Variants in PTCD1 observed in about 807,000 individuals in gnomAD.
The protein encoded by PTCD1 is pentatricopeptide repeat domain 1, also known as pentatricopeptide repeat-containing protein 1, mitochondrial.
In PTCD1, 50 loss-of-function variants were observed where a neutral mutation model predicts 53.4. The observed-to-expected ratio is 0.94, with a 90% CI of 0.75 to 1.19. The LOEUF is 1.19. Ranked by LOEUF, PTCD1 falls within the 50% of genes most tolerant of loss-of-function variation. The pLI is 0.00. For synonymous variants in PTCD1, 413 were observed against 394.8 expected, an observed-to-expected ratio of 1.05 and a Z score of -0.55; for missense variants, 918 against 904.8, an observed-to-expected ratio of 1.01 and a Z score of -0.19.
chr7:99,425,452 C>T lies in PTCD1; in HGVS notation c.1080G>A (p.Arg360=), dbSNP rs534195381. 2.5e-6 allele frequency: 4 copies of T among 1,613,860 alleles called. No individual in the cohort carries two copies. Among genetic ancestry groups the T allele is most frequent in the African/African-American group, 2.7e-5 (2 of 75,068 alleles). ...CCTGGGCTGTCCTCCTTGGCCGCTG[C>T]CTGCTCACTGGGGGCTGAAGCACAG... ...EATVLQPPVS[R]QRPRRTAQAK... The change falls in exon 6 of 8, where the codon AGG becomes AGA. Residue 360 remains arginine, a synonymous_variant. Coordinates refer to ENST00000292478, the MANE Select transcript of PTCD1 (RefSeq NM_015545.4).
intron 7 of PTCD1, among the ~76,000 whole-genome samples, chr7:99,421,845 G>C (rs1049279281): frequency 3.9e-5 from 6 of 152,182 alleles, no homozygotes; most frequent in African/African-American, 1.4e-4. Context: ...ACATTCAGTA[G>C]AAACTAACCC....
Position 99,417,408 on chromosome 7 carries a change from C to G in PTCD1, c.*2559G>C. The stretch of plus-strand genomic sequence containing the variant: ...GGTTTTTAGACCATGGCCTGATGCT[C>G]TTTCCCCATCTTTTTGACAGAACTC... On this transcript the variant is annotated 3_prime_UTR_variant, in exon 8 of 8. Coordinates refer to ENST00000292478, the MANE Select transcript of PTCD1 (RefSeq NM_015545.4). 1.9e-6 allele frequency: 3 copies of G among 1,612,550 alleles called. No individual in the cohort carries two copies. Among genetic ancestry groups the G allele is most frequent in the African/African-American group, 1.3e-5 (1 of 74,986 alleles).
At chr7:99,427,262 A>AG (rs533389474) in intron 5 of PTCD1, among the ~76,000 whole-genome samples, 8 of 138,292 alleles carry the variant, frequency 5.8e-5, no homozygotes, top group African/African-American at 2.2e-4. Context: ...CTGGGAAGTG[A>AG]GGAGCCCCTC....
At position 99,416,783 on chromosome 7, in the gene PTCD1, CAAT is replaced by C. The variant is rs1396173401; in HGVS notation, c.*3181_*3183del. ...TTCCACAGGCTGGAGTGCAGTGGTG[CAAT>C]GATGGCTCACTGCAGCCTCAACCTT... On this transcript the variant is annotated 3_prime_UTR_variant, in exon 8 of 8. Transcript: ENST00000292478. The C allele has an allele frequency of 6.9e-6, 1 of 145,816 alleles. No individual in the cohort carries two copies. The highest frequency in any genetic ancestry group is 2.8e-5 in the African/African-American group (1 of 35,236). The allele number at this position is 145,816 out of a possible 1,614,324, so 9.0% of individuals were successfully genotyped here.
At chr7:99,437,094 G>A (rs1796502016) in intron 1 of PTCD1, among the ~76,000 whole-genome samples, 1 of 152,168 alleles carries the variant, frequency 6.6e-6, no homozygotes, top group African/African-American at 2.4e-5. Context: ...TAGAACTCCT[G>A]GCCTCAAGCA....
Position 99,433,406 on chromosome 7 carries a change from G to T in PTCD1, c.466C>A (p.Leu156Met). The T allele has an allele frequency of 6.2e-7, 1 of 1,614,142 alleles. No homozygotes were observed. Among genetic ancestry groups the T allele is most frequent in the Admixed American group, 1.7e-5 (1 of 60,014 alleles). The part of the protein sequence containing the change: ...LIKEGKLVEA[L>M]DLFERQMLKE... ...AGCATCTGCCTCTCAAACAGGTCCA[G>T]GGCTTCAACCAGCTGCAGGGAAGAG... The change falls in exon 3 of 8, where the codon CTG becomes ATG. Residue 156 changes from leucine to methionine, a missense_variant. Transcript: ENST00000292478.
intron 5 of PTCD1, among the ~76,000 whole-genome samples, chr7:99,426,947 C>T (rs2150952333): frequency 6.6e-6 from 1 of 151,682 alleles, no homozygotes; most frequent in East Asian, 2.0e-4. Context: ...TGGCAACCGC[C>T]CCATCTGAGA....
intron 5 of PTCD1, among the ~76,000 whole-genome samples, 171 bp from the exon 6 acceptor site, chr7:99,425,787 C>A (rs1036350757): frequency 5.3e-5 from 8 of 152,210 alleles, no homozygotes; most frequent in Admixed American, 2.0e-4. Context: ...AAAAAATACG[C>A]CAGGCGCGGT....
At position 99,417,324 on chromosome 7, in the gene PTCD1, A is replaced by T. The variant is rs1432574965; in HGVS notation, c.*2643T>A. 5 of 1,187,120 alleles carry T rather than the reference A, an allele frequency of 4.2e-6. No individual in the cohort carries two copies. The highest frequency in any genetic ancestry group is 6.2e-6 in the Non-Finnish European group (5 of 808,682). 73.5% of individuals were successfully genotyped at this position (1,187,120 alleles called of 1,614,324 possible). A position where few individuals can be genotyped will look rare whatever the true frequency, so the allele number is the denominator to read the frequency against. ...TGCCTCGGCCTCCCAAAGTGCTGGG[A>T]TTACAGGTGTGAGCCACTGCACCCG... On this transcript the variant is annotated 3_prime_UTR_variant, in exon 8 of 8. Coordinates refer to ENST00000292478, the MANE Select transcript of PTCD1 (RefSeq NM_015545.4).
rs759673309 is a variant in PTCD1, at chr7:99,424,776, C to G, written c.1737+19G>C. The stretch of plus-strand genomic sequence containing the variant: ...TCCTGAGCACCATGGGTGTCCTGCC[C>G]AGGCCCGAGTCCACTCACCTTCATG... On this transcript the variant is annotated intron_variant, in intron 6 of 7. Coordinates refer to ENST00000292478, the MANE Select transcript of PTCD1 (RefSeq NM_015545.4). 1 of 1,613,758 alleles carries G rather than the reference C, an allele frequency of 6.2e-7. No individual in the cohort carries two copies. The highest frequency in any genetic ancestry group is 1.7e-5 in the Admixed American group (1 of 59,964).
Position 99,438,739 on chromosome 7 carries a change from C to T in PTCD1, c.-74G>A. ...CTCCGACGGGGAGCCCTGCCCGGTC[C>T]CCGCGGCGAACCAGTCTCTTCCTCG... On this transcript the variant is annotated 5_prime_UTR_variant, in exon 1 of 8. Coordinates refer to ENST00000292478, the MANE Select transcript of PTCD1 (RefSeq NM_015545.4). 1.5e-6 allele frequency: 2 copies of T among 1,315,272 alleles called. No individual in the cohort carries two copies. Among genetic ancestry groups the T allele is most frequent in the Non-Finnish European group, 2.0e-6 (2 of 1,008,060 alleles). The allele number at this position is 1,315,272 out of a possible 1,614,324, so 81.5% of individuals were successfully genotyped here. A position where few individuals can be genotyped will look rare whatever the true frequency, so the allele number is the denominator to read the frequency against.
At chr7:99,424,095 G>A in intron 6 of PTCD1, 138 bp from the exon 7 acceptor site, 2 of 1,226,280 alleles carry the variant, frequency 1.6e-6, no homozygotes, top group Non-Finnish European at 2.3e-6. Flanking sequence ...ACAATGTGCT[G>A]AATATCCCTC....
In PTCD1 at chr7:99,417,607, C is replaced by T. The variant is rs1795576038; in HGVS notation, c.*2360G>A. 6.2e-7 allele frequency: 1 copy of T among 1,610,028 alleles called. No homozygotes were observed. ...GCAAGCTGGAAGTGGTAATGTCTGA[C>T]ACTCAAGCTTGGTGTTGTTTTCAGC... On this transcript the variant is annotated 3_prime_UTR_variant, in exon 8 of 8. Transcript: ENST00000292478.
rs1035878238 is a variant in PTCD1 at position 99,417,048 on chromosome 7, G to A, written c.*2919C>T. 7 of 214,424 alleles carry A rather than the reference G, an allele frequency of 3.3e-5. No individual in the cohort carries two copies. Among genetic ancestry groups the A allele is most frequent in the African/African-American group, 1.2e-4 (5 of 40,708 alleles). The allele number at this position is 214,424 out of a possible 1,614,324, so 13.3% of individuals were successfully genotyped here. A position where few individuals can be genotyped will look rare whatever the true frequency, so the allele number is the denominator to read the frequency against. ...TTGTTCCTCCTCCAAGGACTGTCCCGTTGCAATACTGAATGCCTTTTTTTT... is the reference window on the plus strand; with the variant it reads ...TTGTTCCTCCTCCAAGGACTGTCCCATTGCAATACTGAATGCCTTTTTTTT... On this transcript the variant is annotated 3_prime_UTR_variant, in exon 8 of 8. Coordinates refer to ENST00000292478, the MANE Select transcript of PTCD1 (RefSeq NM_015545.4).
At chr7:99,429,238 CCTGCAGCAGGCTGGGCATGGTAG>C (rs1562843862) in intron 4 of PTCD1, 34 bp from the exon 5 acceptor site, 2 of 1,611,804 alleles carry the variant, frequency 1.2e-6, no homozygotes, top group East Asian at 4.5e-5. Flanking sequence ...CCACTGAGAA[CCTGCAGCAGGCTGGGCATGGTAG>C]CTCATGTCTG....
chr7:99,419,818 AGT>A lies in PTCD1; in HGVS notation c.*147_*148del. 7.4e-7 allele frequency: 1 copy of A among 1,357,150 alleles called. No individual in the cohort carries two copies. The highest frequency in any genetic ancestry group is 1.3e-5 in the South Asian group (1 of 75,866). 84.1% of individuals were successfully genotyped at this position (1,357,150 alleles called of 1,614,324 possible). A position where few individuals can be genotyped will look rare whatever the true frequency, so the allele number is the denominator to read the frequency against. On this transcript the variant is annotated 3_prime_UTR_variant, in exon 8 of 8. Coordinates refer to ENST00000292478, the MANE Select transcript of PTCD1 (RefSeq NM_015545.4). ...CTGGGAGCACAGGCACCTTGGGCCT[AGT>A]GTGTGTCCTCACCAACACCTGTGAC...
intron 2 of PTCD1, 44 bp from the exon 3 acceptor site, chr7:99,433,462 G>A: frequency 6.2e-7 from 1 of 1,613,562 alleles, no homozygotes; most frequent in East Asian, 2.2e-5. Context: ...AATGGCCCCA[G>A]AGACCCTCAG....
chr7:99,421,474 G>C (rs1455474804), intron 7 of PTCD1, among the ~76,000 whole-genome samples: 2 of 151,426 alleles, frequency 1.3e-5, no homozygotes, highest in Non-Finnish European at 2.9e-5. Flanking sequence ...GCACGGCATG[G>C]GGGCTCACAA....
At position 99,434,825 on chromosome 7, in the gene PTCD1, A is replaced by C. The variant is rs749060910; in HGVS notation, c.418T>G (p.Phe140Val). The C allele has an allele frequency of 1.2e-6, 2 of 1,614,046 alleles. No individual in the cohort carries two copies. The highest frequency in any genetic ancestry group is 1.7e-5 in the Admixed American group (1 of 60,002). Residue 140 changes from phenylalanine to valine, a missense_variant, in exon 2 of 8, where the codon TTC becomes GTC. Phe to Val is a conservative substitution (Grantham distance 50). Coordinates refer to ENST00000292478, the MANE Select transcript of PTCD1 (RefSeq NM_015545.4). ...TTGATCAGGTGTTTGCACTGCAAGA[A>C]GTACCAGTACGGGGTGTTTCTCCGG... ...RGRRNTPYWY[F>V]LQCKHLIKEG...
Sources: gnomAD v4.1 joint callset for allele counts (sites outside exome capture counted in the v4.1 genomes callset) on GRCh38, gnomAD v4.1.1 for gene constraint, MANE v1.5 for transcripts, NCBI Gene and HGNC (gene_info 2026-07-23, HGNC 2026-07-21) for gene names.